The following STIM1 variants were observed in gnomAD, a reference collection of about 807,000 sequenced individuals.
The protein encoded by STIM1 is stromal interaction molecule 1.
In STIM1, 25 loss-of-function variants were observed where a neutral mutation model predicts 74.7. That is an observed-to-expected ratio of 0.33 (90% CI 0.24 to 0.47). STIM1 has a LOEUF of 0.47. Among genes scored for constraint, STIM1 ranks in the 20% least tolerant of loss-of-function variants. The pLI, the probability that STIM1 is intolerant of heterozygous loss-of-function variation, is 1.00. For synonymous variants in STIM1, 328 were observed against 348.8 expected, an observed-to-expected ratio of 0.94 and a Z score of 0.66; for missense variants, 728 against 920.8, an observed-to-expected ratio of 0.79 and a Z score of 2.71.
At chr11:3,907,686 A>C (rs1565110892) in intron 1 of STIM1, among the ~76,000 whole-genome samples, 1 of 152,218 alleles carries the variant, frequency 6.6e-6, no homozygotes, top group Non-Finnish European at 1.5e-5. Context: ...GTGGCTTTAC[A>C]TATCTCTCAG....
intron 1 of STIM1, among the ~76,000 whole-genome samples, chr11:3,929,315 G>C (rs1488953136): frequency 6.6e-6 from 1 of 152,174 alleles, no homozygotes; most frequent in East Asian, 1.9e-4. Flanking sequence ...CTGGCAGTTA[G>C]TACCCCACAT....
chr11:3,875,769 CA>C (rs2091289754), intron 1 of STIM1, among the ~76,000 whole-genome samples: 1 of 150,434 alleles, frequency 6.6e-6, no homozygotes, highest in Non-Finnish European at 1.5e-5. Flanking sequence ...AAAATCAAAC[CA>C]ACAACAAAAT....
At chr11:3,894,103 C>T (rs939585274) in intron 1 of STIM1, among the ~76,000 whole-genome samples, 2 of 152,076 alleles carry the variant, frequency 1.3e-5, no homozygotes, top group African/African-American at 4.8e-5. Context: ...AAAGAGGGTT[C>T]CATTGTTTAA....
chr11:4,017,605 A>G (rs1313236302), intron 2 of STIM1, among the ~76,000 whole-genome samples: 1 of 152,140 alleles, frequency 6.6e-6, no homozygotes, highest in Admixed American at 6.5e-5. Flanking sequence ...TTCCTTGGAG[A>G]TTTTGGTGTT....
chr11:3,878,349 A>G (rs190873848), intron 1 of STIM1, among the ~76,000 whole-genome samples: 6 of 152,340 alleles, frequency 3.9e-5, no homozygotes, highest in East Asian at 3.9e-4. Flanking sequence ...TGTTTTACAT[A>G]TGATGAAACT....
At chr11:4,075,013 C>T (rs1277115855) in intron 7 of STIM1, among the ~76,000 whole-genome samples, 1 of 152,040 alleles carries the variant, frequency 6.6e-6, no homozygotes, top group Non-Finnish European at 1.5e-5. Context: ...TGGCGGCGGG[C>T]ACCTGTAATC....
rs552027975 is a variant in STIM1 at position 3,912,976 on chromosome 11, C to T, written c.140-54576C>T. Among the ~76,000 whole-genome samples, 12 of 152,278 alleles carry T rather than the reference C, an allele frequency of 7.9e-5. No individual in the cohort carries two copies. In the East Asian group the frequency reaches 2.3e-3, roughly 29 times the overall value. Reference sequence around the variant, plus strand: ...GCTAGCTGGAATATGGTGAGATCTACAGCACCTTTTTTGGTCCCAGAGATG... The same window carrying T: ...GCTAGCTGGAATATGGTGAGATCTATAGCACCTTTTTTGGTCCCAGAGATG... On this transcript the variant is annotated intron_variant, in intron 1 of 12. Coordinates refer to ENST00000526596, the MANE Select transcript of STIM1 (RefSeq NM_001382567.1).
At chr11:3,978,879 G>A (rs1299816112) in intron 2 of STIM1, among the ~76,000 whole-genome samples, 5 of 152,118 alleles carry the variant, frequency 3.3e-5, no homozygotes, top group African/African-American at 4.8e-5. Flanking sequence ...GCTGGCATCA[G>A]GTTCCCGATG....
In STIM1 at chr11:3,955,903, A is replaced by C. The variant is rs984945770; in HGVS notation, c.140-11649A>C. On this transcript the variant is annotated intron_variant, in intron 1 of 12. Coordinates refer to ENST00000526596, the MANE Select transcript of STIM1 (RefSeq NM_001382567.1). ...GGAGTTTCACTTCTCTTTTATTTTT[A>C]AAAATTTTAATTAAAAATTTTTTTA... is the stretch of plus-strand genomic sequence containing the variant. Among the ~76,000 whole-genome samples the C allele has an allele frequency of 5.9e-5, 9 of 151,844 alleles. No individual in the cohort carries two copies. The East Asian group carries it at 1.7e-3, about 29-fold the overall frequency.
chr11:4,078,335 T>G (rs897287055), intron 7 of STIM1, among the ~76,000 whole-genome samples: 7 of 152,226 alleles, frequency 4.6e-5, no homozygotes, highest in African/African-American at 1.7e-4. Context: ...TCTTCAGCCC[T>G]GAAAGACTGT....
At chr11:3,961,873 G>C (rs543593610) in intron 1 of STIM1, among the ~76,000 whole-genome samples, 1 of 152,304 alleles carries the variant, frequency 6.6e-6, no homozygotes, top group South Asian at 2.1e-4. Context: ...AAGCATAGGA[G>C]AAAATTGTCC....
intron 2 of STIM1, among the ~76,000 whole-genome samples, chr11:4,009,200 C>A (rs1426904619): frequency 6.6e-6 from 1 of 151,224 alleles, no homozygotes; most frequent in Non-Finnish European, 1.5e-5. Context: ...AAGGCTGAGG[C>A]AGGAGAATGG....
chr11:3,856,758 C>T (rs1460608903), intron 1 of STIM1, among the ~76,000 whole-genome samples: 1 of 152,154 alleles, frequency 6.6e-6, no homozygotes, highest in Non-Finnish European at 1.5e-5. Context: ...TTCATTGCTC[C>T]TATTCGGTTT....
At chr11:3,951,166 G>A (rs2093142960) in intron 1 of STIM1, among the ~76,000 whole-genome samples, 1 of 152,150 alleles carries the variant, frequency 6.6e-6, no homozygotes, top group African/African-American at 2.4e-5. Context: ...CTTCATTCTG[G>A]ATAGTCTCCT....
intron 1 of STIM1, among the ~76,000 whole-genome samples, chr11:3,954,903 G>A (rs2093192727): frequency 6.6e-6 from 1 of 152,104 alleles, no homozygotes; most frequent in African/African-American, 2.4e-5. Flanking sequence ...CTAGATATTT[G>A]CTCAAGAAAA....
intron 2 of STIM1, among the ~76,000 whole-genome samples, chr11:4,007,594 A>G (rs141657442): frequency 8.3e-4 from 127 of 152,358 alleles, no homozygotes; most frequent in African/African-American, 2.9e-3. Context: ...AAAGGTATTC[A>G]TAGGCACTAT....
At chr11:3,931,709 T>C (rs1405061941) in intron 1 of STIM1, among the ~76,000 whole-genome samples, 3 of 152,126 alleles carry the variant, frequency 2.0e-5, no homozygotes, top group Non-Finnish European at 4.4e-5. Flanking sequence ...AATGTGATGG[T>C]ATTAGGAGGT....
At chr11:3,931,793 T>A (rs146765137) in intron 1 of STIM1, among the ~76,000 whole-genome samples, 151 of 152,288 alleles carry the variant, frequency 9.9e-4, no homozygotes, top group Middle Eastern at 3.4e-3. Context: ...CACACCTGAA[T>A]GCATGTTCCA....
intron 3 of STIM1, among the ~76,000 whole-genome samples, chr11:4,049,317 C>A (rs1217012558): frequency 1.4e-5 from 2 of 147,446 alleles, no homozygotes. Context: ...TAAATTATAT[C>A]AGCTGGATTT....
Sources: allele counts gnomAD v4.1 joint callset (sites outside exome capture counted in the v4.1 genomes callset), GRCh38; gene constraint gnomAD v4.1.1; transcripts MANE v1.5; gene names NCBI Gene and HGNC (gene_info 2026-07-23, HGNC 2026-07-21).